Variants in TLE2 observed in about 807,000 individuals in gnomAD.
The protein encoded by TLE2 is TLE family member 2, transcriptional corepressor, also known as transducin-like enhancer protein 2.
In TLE2, 74 loss-of-function variants were observed where a neutral mutation model predicts 97.2. The ratio of observed to expected loss-of-function variants is 0.76; its 90% confidence interval spans 0.63 to 0.92. The LOEUF is 0.92. Ranked by LOEUF, TLE2 falls within the 40% of genes least tolerant of loss-of-function variation. The pLI is 0.00. For missense variants in TLE2, 1,038 were observed against 1,008.7 expected, an observed-to-expected ratio of 1.03 and a Z score of -0.39; for synonymous variants, 499 against 432.1, an observed-to-expected ratio of 1.15 and a Z score of -1.92.
intron 4 of TLE2, chr19:3,025,391 TC>T (rs1231088217): frequency 8.5e-7 from 1 of 1,174,422 alleles, no homozygotes; most frequent in Non-Finnish European, 1.1e-6. Flanking sequence ...AGGCAGACGC[TC>T]AGACACCCAA....
intron 19 of TLE2, 83 bp from the exon 20 acceptor site, chr19:2,998,038 C>A: frequency 2.1e-6 from 2 of 973,594 alleles, no homozygotes; most frequent in South Asian, 2.8e-5. Flanking sequence ...GGGGCGGAGT[C>A]AGGAACGGGA....
chr19:3,029,568 G>GGC (rs2090005670), upstream of TLE2: 1 of 741,916 alleles, frequency 1.3e-6, no homozygotes, highest in Non-Finnish European at 1.6e-6. Flanking sequence ...CGGGGGGGGG[G>GGC]GCTTGCGGGG....
intron 1 of TLE2, among the ~76,000 whole-genome samples, chr19:3,036,296 C>T (rs946045891): frequency 6.6e-6 from 1 of 152,240 alleles, no homozygotes; most frequent in Admixed American, 6.5e-5. Context: ...CGGCTCCCGC[C>T]CAGGCTGTCA....
intron 2 of TLE2, 147 bp downstream of exon 2, chr19:3,028,559 C>A (rs1362527304): frequency 1.9e-6 from 2 of 1,044,418 alleles, no homozygotes; most frequent in African/African-American, 1.6e-5. Flanking sequence ...GTCCCCAGAC[C>A]CCTCTGCACC....
intron 7 of TLE2, among the ~76,000 whole-genome samples, chr19:3,018,894 A>T (rs951651994): frequency 1.3e-5 from 2 of 152,158 alleles, no homozygotes; most frequent in African/African-American, 4.8e-5. Flanking sequence ...CTGGGATTAC[A>T]GGCATAAGCC....
chr19:2,998,014 G>A lies in TLE2; in HGVS notation c.2125-59C>T, dbSNP rs897364219. 5.5e-6 allele frequency: 7 copies of A among 1,262,026 alleles called. No homozygotes were observed. In the African/African-American group the frequency reaches 8.8e-5, roughly 16 times the overall value. 78.2% of individuals were successfully genotyped at this position (1,262,026 alleles called of 1,614,324 possible). A position where few individuals can be genotyped will look rare whatever the true frequency, so the allele number is the denominator to read the frequency against. ...TGAGGCATGGTCCCCACAGATGGGT[G>A]TGTGGGCAAGGCTGGGGCGGAGTCA... On this transcript the variant is annotated intron_variant, in intron 19 of 19. Coordinates refer to ENST00000262953, the MANE Select transcript of TLE2 (RefSeq NM_003260.5).
At chr19:3,003,227 A>C (rs577462833) in intron 17 of TLE2, among the ~76,000 whole-genome samples, 2 of 152,242 alleles carry the variant, frequency 1.3e-5, no homozygotes, top group South Asian at 2.1e-4. Context: ...GGGAGGAGGG[A>C]GAGAGGAGGG....
At chr19:3,024,095 A>C (rs527781061) in intron 5 of TLE2, among the ~76,000 whole-genome samples, 49 of 149,178 alleles carry the variant, frequency 3.3e-4, no homozygotes, top group African/African-American at 1.2e-3. Context: ...TCCTGAGTTC[A>C]AGCAATTCTA....
chr19:3,009,718 CG>C lies in TLE2; in HGVS notation c.1013-17del, dbSNP rs755944609. 5.0e-6 allele frequency: 8 copies of C among 1,600,956 alleles called. No homozygotes were observed. Among genetic ancestry groups the C allele is most frequent in the Non-Finnish European group, 6.0e-6 (7 of 1,174,778 alleles). ...CTCCTCAGGGCTGAGACGGAAGAGTCGGGGACAGGTTTTGACGCCCTGGACC... is the reference window on the plus strand; with the variant it reads ...CTCCTCAGGGCTGAGACGGAAGAGTCGGGACAGGTTTTGACGCCCTGGACC... On this transcript the variant is annotated splice_polypyrimidine_tract_variant and intron_variant, in intron 12 of 19. Coordinates refer to ENST00000262953, the MANE Select transcript of TLE2 (RefSeq NM_003260.5).
chr19:3,039,643 G>C (rs1177798053), intron 1 of TLE2, among the ~76,000 whole-genome samples: 5 of 152,058 alleles, frequency 3.3e-5, no homozygotes, highest in Non-Finnish European at 5.9e-5. Context: ...TGTGTGTACG[G>C]TCTGCCCAGG....
upstream of TLE2, among the ~76,000 whole-genome samples, chr19:3,031,342 TTGTGTGTGTGTGTGTGTGTGTGTG>T (rs60898410): frequency 0.27 from 37,346 of 139,984 alleles, 4,945 homozygotes; most frequent in East Asian, 0.33. Flanking sequence ...AAAGATACAA[TTGTGTGTGTGTGTGTGTGTGTGTG>T]TGTGTGTGTG....
chr19:3,004,259 T>C (rs2089426784), intron 17 of TLE2, among the ~76,000 whole-genome samples: 1 of 152,108 alleles, frequency 6.6e-6, no homozygotes, highest in Admixed American at 6.6e-5. Flanking sequence ...TCCCTAGAAA[T>C]GTTCTTAGCC....
intron 5 of TLE2, among the ~76,000 whole-genome samples, chr19:3,024,044 G>A (rs1379657587): frequency 7.0e-6 from 1 of 142,244 alleles, no homozygotes; most frequent in African/African-American, 2.6e-5. Context: ...CACCCAGGCT[G>A]GAGTGCAGCG....
chr19:3,006,717 G>T lies in TLE2; in HGVS notation c.1251-48C>A, dbSNP rs754694081. On this transcript the variant is annotated intron_variant, in intron 14 of 19. Coordinates refer to ENST00000262953, the MANE Select transcript of TLE2 (RefSeq NM_003260.5). ...ACCCAGCCCTGGGCACCACGCCCCC[G>T]CACCCGCACCTGGGAGGGCAGGGAG... 9.6e-3 allele frequency: 14,796 copies of T among 1,535,802 alleles called. 95 individuals are homozygous for T. The highest frequency in any genetic ancestry group is 0.011 in the Non-Finnish European group (12,978 of 1,138,790).
intron 13 of TLE2, 89 bp from the exon 14 acceptor site, chr19:3,009,034 G>T: frequency 9.7e-7 from 1 of 1,033,146 alleles, no homozygotes; most frequent in Non-Finnish European, 1.4e-6. Flanking sequence ...ACCCCTCTCT[G>T]TTTATCACCC....
At chr19:3,009,896 TTTTG>T (rs1235931877) in intron 12 of TLE2, among the ~76,000 whole-genome samples, 194 bp from the exon 13 acceptor site, 8 of 146,792 alleles carry the variant, frequency 5.4e-5, no homozygotes, top group African/African-American at 2.0e-4. Flanking sequence ...TCTTTTTTTC[TTTTG>T]TTTGAGATGG....
intron 11 of TLE2, among the ~76,000 whole-genome samples, chr19:3,011,931 T>C (rs1009867826): frequency 4.7e-5 from 7 of 150,440 alleles, no homozygotes; most frequent in Non-Finnish European, 5.9e-5. Flanking sequence ...TTTTTTTTAA[T>C]ACAGGGTCTT....
chr19:3,015,555 G>A, intron 9 of TLE2, 98 bp downstream of exon 9: 4 of 943,110 alleles, frequency 4.2e-6, no homozygotes, highest in South Asian at 4.2e-5. Context: ...TCCGGAGTGA[G>A]AGAATTATGG....
chr19:3,001,289 A>G lies in TLE2; in HGVS notation c.2048-566T>C, dbSNP rs1334174760. Among the ~76,000 whole-genome samples the G allele has an allele frequency of 2.7e-5, 4 of 147,452 alleles. No homozygotes were observed. The East Asian group carries it at 8.1e-4, about 30-fold the overall frequency. On this transcript the variant is annotated intron_variant, in intron 18 of 19. Coordinates refer to ENST00000262953, the MANE Select transcript of TLE2 (RefSeq NM_003260.5). ...CTCTGTCTCAAAAAAAAAAAAAAAT[A>G]TTTTTTGTAGAGTTGGGATCTCACT...
Sources: gnomAD v4.1 joint callset for allele counts (sites outside exome capture counted in the v4.1 genomes callset) on GRCh38, gnomAD v4.1.1 for gene constraint, MANE v1.5 for transcripts, NCBI Gene and HGNC (gene_info 2026-07-23, HGNC 2026-07-21) for gene names.